SNX9: variants seen among roughly 807,000 people sequenced by gnomAD.
SNX9 encodes sorting nexin-9.
SNX9 carries 44 observed loss-of-function variants against 89.4 expected under a neutral mutation model. The ratio of observed to expected loss-of-function variants is 0.49; its 90% CI spans 0.39 to 0.63. SNX9 has a LOEUF of 0.63. Among genes scored for constraint, SNX9 ranks in the 30% least tolerant of loss-of-function variants. The probability of loss-of-function intolerance (pLI) is 0.00; values close to 1 mark genes in which losing one functional copy is unlikely to be tolerated. For synonymous variants in SNX9, 236 were observed against 247.8 expected (o/e 0.95, Z 0.45); for missense variants, 578 against 736.1 (o/e 0.79, Z 2.49).
chr6:157,908,163 CT>C (rs1369537381), intron 7 of SNX9, among the ~76,000 whole-genome samples: 1 of 151,852 alleles, frequency 6.6e-6, no homozygotes, highest in Non-Finnish European at 1.5e-5. Context: ...TCTCTGAGGT[CT>C]CAGCCGAAAC....
At chr6:157,847,356 A>G (rs530716296) in intron 1 of SNX9, among the ~76,000 whole-genome samples, 2 of 151,806 alleles carry the variant, frequency 1.3e-5, no homozygotes, top group South Asian at 4.2e-4. Context: ...GCCCACCTCC[A>G]CCTCCCAAAA....
At chr6:157,892,533 C>T (rs1782885169) in intron 4 of SNX9, among the ~76,000 whole-genome samples, 1 of 151,762 alleles carries the variant, frequency 6.6e-6, no homozygotes, top group Admixed American at 6.6e-5. Context: ...GATTTCATAA[C>T]TTAGGTGGAG....
chr6:157,932,374 C>T (rs1383910666), intron 13 of SNX9, 102 bp downstream of exon 13: 1 of 1,048,836 alleles, frequency 9.5e-7, no homozygotes, highest in South Asian at 1.3e-5. Context: ...AGTGAAGCAC[C>T]CTGGTTGTGG....
chr6:157,837,156 C>A lies in SNX9; in HGVS notation c.12+13710C>A, dbSNP rs111962660. ...GAAAATCACAGATCCGTAAAATATT[C>A]TCAGAAGCTATTTAGTTTCTCGCCA... On this transcript the variant is annotated intron_variant, in intron 1 of 17. Transcript: ENST00000392185. 3.3e-3 allele frequency among the ~76,000 whole-genome samples: 501 copies of A among 152,298 alleles called. 4 individuals carry two copies. The highest frequency in any genetic ancestry group is 0.012 in the African/African-American group (479 of 41,570).
intron 14 of SNX9, 41 bp from the exon 15 acceptor site, chr6:157,937,393 A>C (rs201933962): frequency 2.1e-6 from 3 of 1,413,626 alleles, no homozygotes; most frequent in East Asian, 4.6e-5. Context: ...TGATTTTCTG[A>C]ATTTCTCTGC....
chr6:157,827,730 G>A lies in SNX9; in HGVS notation c.12+4284G>A, dbSNP rs75560492. On this transcript the variant is annotated intron_variant, in intron 1 of 17. Coordinates refer to ENST00000392185, the MANE Select transcript of SNX9 (RefSeq NM_016224.5). ...GACATGAAGAAAATTGTTAGTGGAGGTTAATCCATATCTATATAATTTAGC... is the reference window on the plus strand; with the variant it reads ...GACATGAAGAAAATTGTTAGTGGAGATTAATCCATATCTATATAATTTAGC... 4.9e-3 allele frequency among the ~76,000 whole-genome samples: 732 copies of A among 150,606 alleles called. 7 individuals carry two copies. The highest frequency in any genetic ancestry group is 0.017 in the African/African-American group (702 of 41,040).
chr6:157,870,422 GCA>G (rs1002673393), intron 2 of SNX9, among the ~76,000 whole-genome samples: 58 of 141,894 alleles, frequency 4.1e-4, no homozygotes, highest in African/African-American at 1.4e-3. Flanking sequence ...TCTCACACAC[GCA>G]CACTCACATG....
At chr6:157,913,999 G>T (rs1783406297) in intron 9 of SNX9, among the ~76,000 whole-genome samples, 1 of 151,288 alleles carries the variant, frequency 6.6e-6, no homozygotes, top group Non-Finnish European at 1.5e-5. Context: ...ATTCCTCTTG[G>T]GTAAATAAGA....
chr6:157,897,509 G>C (rs1783005318), intron 5 of SNX9, among the ~76,000 whole-genome samples: 1 of 151,912 alleles, frequency 6.6e-6, no homozygotes, highest in Non-Finnish European at 1.5e-5. Context: ...ATCGATTATT[G>C]TTATTATTAT....
At chr6:157,825,002 C>T (rs571159002) in intron 1 of SNX9, among the ~76,000 whole-genome samples, 122 of 152,250 alleles carry the variant, frequency 8.0e-4, no homozygotes, top group African/African-American at 2.8e-3. Context: ...AATTCCAGCA[C>T]TTTGGGAGGC....
intron 11 of SNX9, among the ~76,000 whole-genome samples, chr6:157,927,930 AACAC>A (rs71689763): frequency 1.2e-4 from 18 of 148,970 alleles, no homozygotes; most frequent in South Asian, 8.5e-4. Flanking sequence ...ATAGACAAGT[AACAC>A]ACACACACAC....
At chr6:157,849,207 CAT>C in intron 1 of SNX9, among the ~76,000 whole-genome samples, 1 of 152,282 alleles carries the variant, frequency 6.6e-6, no homozygotes, top group South Asian at 2.1e-4. Flanking sequence ...GTCAGGTGAT[CAT>C]ATAATTTTTT....
chr6:157,927,863 A>G (rs1018464615), intron 11 of SNX9, among the ~76,000 whole-genome samples: 1 of 151,202 alleles, frequency 6.6e-6, no homozygotes, highest in African/African-American at 2.4e-5. Context: ...AGTAGCTGGG[A>G]CTACATAATT....
At chr6:157,925,090 A>C (rs531917316) in intron 10 of SNX9, among the ~76,000 whole-genome samples, 1 of 152,362 alleles carries the variant, frequency 6.6e-6, no homozygotes, top group South Asian at 2.1e-4. Context: ...GACAAGCGAA[A>C]AACAAGCTAC....
In SNX9 at chr6:157,927,157, G is replaced by A; in HGVS notation, c.1127G>A (p.Gly376Glu). Residue 376 changes from glycine (G) to glutamate (E), a missense_variant, in exon 11 of 18, where the codon GGA (glycine) becomes GAA (glutamate). Transcript: ENST00000392185. ...AAGGCCGAGAGAGATGAGCTGGCGGGAGTCATGATATTTTCCACCATGGAA... is the reference window on the plus strand; with the variant it reads ...AAGGCCGAGAGAGATGAGCTGGCGGAAGTCATGATATTTTCCACCATGGAA... ...KRKAERDELA[G>E]VMIFSTMEPE... The A allele has an allele frequency of 1.2e-6, 2 of 1,614,160 alleles. No individual in the cohort carries two copies. Among genetic ancestry groups the A allele is most frequent in the Non-Finnish European group, 1.7e-6 (2 of 1,180,036 alleles).
rs748438854 is a variant in SNX9 at position 157,896,364 on chromosome 6, T to C, written c.301-463T>C. 9.8e-5 allele frequency among the ~76,000 whole-genome samples: 15 copies of C among 152,338 alleles called. 1 individual carries two copies. Among genetic ancestry groups the C allele is most frequent in the Middle Eastern group, 3.4e-3 (1 of 294 alleles). ...AGCAGTTAGAAATAGGTCCTCATGT[T>C]GAGTGGGAAAAAGAAAACTTGCAAA... is the stretch of plus-strand genomic sequence containing the variant. On this transcript the variant is annotated intron_variant, in intron 4 of 17. Coordinates refer to ENST00000392185, the MANE Select transcript of SNX9 (RefSeq NM_016224.5).
intron 1 of SNX9, among the ~76,000 whole-genome samples, chr6:157,850,990 T>G (rs1781899021): frequency 6.6e-6 from 1 of 152,192 alleles, no homozygotes; most frequent in Non-Finnish European, 1.5e-5. Context: ...GCGTGGTGGC[T>G]CATGCCTGTA....
intron 1 of SNX9, among the ~76,000 whole-genome samples, chr6:157,849,697 G>A (rs940713851): frequency 1.3e-5 from 2 of 152,198 alleles, no homozygotes; most frequent in Admixed American, 6.5e-5. Context: ...AAAGGAATGA[G>A]AGGAGGAGTC....
At chr6:157,901,452 C>T (rs1315490129) in intron 5 of SNX9, among the ~76,000 whole-genome samples, 1 of 152,162 alleles carries the variant, frequency 6.6e-6, no homozygotes, top group African/African-American at 2.4e-5. Context: ...GTGTTTCCTT[C>T]TAGGAGTTGT....
Sources: allele counts gnomAD v4.1 joint callset (sites outside exome capture counted in the v4.1 genomes callset), GRCh38; gene constraint gnomAD v4.1.1; transcripts MANE v1.5; gene names NCBI Gene and HGNC (gene_info 2026-07-23, HGNC 2026-07-21).